The following METTL24 variants were observed in gnomAD, a reference collection of about 807,000 sequenced individuals.
METTL24 encodes methyltransferase like 24.
A neutral mutation model predicts 32.7 loss-of-function variants in METTL24; 29 were observed. The observed-to-expected ratio is 0.89, with a 90% CI of 0.66 to 1.21. METTL24 has a LOEUF of 1.21. Among genes scored for constraint, METTL24 ranks in the 50% most tolerant of loss-of-function variants. The probability of loss-of-function intolerance (pLI) is 0.00; values close to 1 mark genes in which losing one functional copy is unlikely to be tolerated. For missense variants in METTL24, 439 were observed against 468.1 expected, an observed-to-expected ratio of 0.94 and a Z score of 0.57; for synonymous variants, 163 against 179.5, an observed-to-expected ratio of 0.91 and a Z score of 0.73.
At chr6:110,301,880 C>G (rs961335775) in intron 3 of METTL24, among the ~76,000 whole-genome samples, 1 of 152,038 alleles carries the variant, frequency 6.6e-6, no homozygotes, top group African/African-American at 2.4e-5. Context: ...ACTCACCTAT[C>G]CAAAAGGAAT....
At chr6:110,344,235 C>T (rs555578374) in intron 1 of METTL24, among the ~76,000 whole-genome samples, 4 of 152,228 alleles carry the variant, frequency 2.6e-5, no homozygotes, top group African/African-American at 9.6e-5. Context: ...GTCAGAAAGT[C>T]CCAAAACATT....
intron 4 of METTL24, among the ~76,000 whole-genome samples, chr6:110,254,580 C>T (rs112192845): frequency 5.3e-5 from 8 of 152,072 alleles, no homozygotes; most frequent in African/African-American, 9.6e-5. Context: ...TGCAGTGAGC[C>T]GAGATCATGC....
chr6:110,302,743 T>C (rs1468046931), intron 3 of METTL24, among the ~76,000 whole-genome samples: 1 of 152,034 alleles, frequency 6.6e-6, no homozygotes, highest in Non-Finnish European at 1.5e-5. Context: ...TACAATTCTG[T>C]AACTGTTTAA....
At position 110,244,731 on chromosome 6, in the gene METTL24, C is replaced by A. The variant is rs545887161; in HGVS notation, c.*1215G>T. On this transcript the variant is annotated 3_prime_UTR_variant, in exon 5 of 5. Coordinates refer to ENST00000338882, the MANE Select transcript of METTL24 (RefSeq NM_001123364.3). The stretch of plus-strand genomic sequence containing the variant: ...ATGAGAATAGCATGGAGGAAACCAA[C>A]CCCATGATTCAATTACCTCTCACCA... 1.3e-5 allele frequency among the ~76,000 whole-genome samples: 2 copies of A among 152,270 alleles called. No homozygotes were observed. The highest frequency in any genetic ancestry group is 4.2e-4 in the South Asian group (2 of 4,812).
intron 4 of METTL24, among the ~76,000 whole-genome samples, chr6:110,259,601 C>T (rs144484760): frequency 6.6e-6 from 1 of 152,256 alleles, no homozygotes; most frequent in Admixed American, 6.5e-5. Context: ...CTCTGTCTGA[C>T]AGCTTTGAAG....
intron 4 of METTL24, among the ~76,000 whole-genome samples, chr6:110,249,453 TCTC>T (rs1216952354): frequency 1.6e-5 from 2 of 125,496 alleles, no homozygotes; most frequent in East Asian, 4.6e-4. Context: ...CAGAAGCTCT[TCTC>T]TGCCTTCTGA....
chr6:110,276,810 G>A (rs1244649699), intron 4 of METTL24, among the ~76,000 whole-genome samples: 2 of 151,940 alleles, frequency 1.3e-5, no homozygotes, highest in Non-Finnish European at 2.9e-5. Context: ...CAGCCTAGTG[G>A]GGGAAAAACA....
At chr6:110,294,117 A>G (rs1429079403) in intron 4 of METTL24, among the ~76,000 whole-genome samples, 1 of 152,044 alleles carries the variant, frequency 6.6e-6, no homozygotes, top group Non-Finnish European at 1.5e-5. Context: ...ATTGCTTTCT[A>G]TTGCATTTTT....
intron 3 of METTL24, among the ~76,000 whole-genome samples, chr6:110,302,460 CAT>C (rs199696229): frequency 6.5e-5 from 6 of 92,900 alleles, no homozygotes; most frequent in Non-Finnish European, 1.1e-4. Flanking sequence ...CATATACACA[CAT>C]ATGTGTATAT....
At chr6:110,253,236 G>A (rs1039656849) in intron 4 of METTL24, among the ~76,000 whole-genome samples, 8 of 152,170 alleles carry the variant, frequency 5.3e-5, no homozygotes, top group African/African-American at 1.7e-4. Context: ...GGAATAGAGA[G>A]AGAGAGATGT....
At chr6:110,271,091 C>T (rs180728145) in intron 4 of METTL24, among the ~76,000 whole-genome samples, 11 of 151,960 alleles carry the variant, frequency 7.2e-5, no homozygotes, top group Non-Finnish European at 5.9e-5. Flanking sequence ...AACTCCTGAC[C>T]TCAGATGATC....
At chr6:110,280,942 C>T (rs1771125952) in intron 4 of METTL24, among the ~76,000 whole-genome samples, 1 of 152,082 alleles carries the variant, frequency 6.6e-6, no homozygotes, top group Non-Finnish European at 1.5e-5. Flanking sequence ...AATGAGCCAC[C>T]ATGCCTGGCC....
chr6:110,280,329 T>G (rs978736553), intron 4 of METTL24, among the ~76,000 whole-genome samples: 7 of 152,180 alleles, frequency 4.6e-5, no homozygotes, highest in Non-Finnish European at 1.0e-4. Context: ...CTTAACGAAT[T>G]ATCTTGGATA....
chr6:110,258,137 G>A (rs1778420039), intron 4 of METTL24, among the ~76,000 whole-genome samples: 1 of 152,168 alleles, frequency 6.6e-6, no homozygotes, highest in South Asian at 2.1e-4. Flanking sequence ...ATCAGTGTTA[G>A]CTGTTGTTAT....
intron 4 of METTL24, among the ~76,000 whole-genome samples, chr6:110,271,246 C>T (rs544014326): frequency 2.0e-5 from 3 of 152,160 alleles, no homozygotes; most frequent in South Asian, 2.1e-4. Context: ...TAAGTTCATG[C>T]AGAAGACAGC....
chr6:110,339,673 A>T (rs1459889158), intron 1 of METTL24, among the ~76,000 whole-genome samples: 1 of 152,236 alleles, frequency 6.6e-6, no homozygotes, highest in Non-Finnish European at 1.5e-5. Flanking sequence ...AAACAAATGT[A>T]CACGTATATG....
intron 4 of METTL24, among the ~76,000 whole-genome samples, chr6:110,286,840 C>T (rs1316661011): frequency 1.3e-5 from 2 of 152,148 alleles, no homozygotes; most frequent in South Asian, 2.1e-4. Context: ...GGAAGAAAAA[C>T]GTGAAAAGGA....
At chr6:110,327,699 C>T (rs1439957720) in intron 1 of METTL24, among the ~76,000 whole-genome samples, 2 of 152,214 alleles carry the variant, frequency 1.3e-5, no homozygotes, top group African/African-American at 4.8e-5. Context: ...CTAGTGTATA[C>T]ATCAACATTT....
chr6:110,306,420 G>GT lies in METTL24; in HGVS notation c.558-7271dup, dbSNP rs1203321178. Among the ~76,000 whole-genome samples, 10 of 151,626 alleles carry GT rather than the reference G, an allele frequency of 6.6e-5. 1 individual carries two copies. Among genetic ancestry groups the GT allele is most frequent in the Non-Finnish European group, 4.4e-5 (3 of 67,902 alleles). On this transcript the variant is annotated intron_variant, in intron 3 of 4. Transcript: ENST00000338882. The stretch of plus-strand genomic sequence containing the variant: ...TTTCCAGAGATGATCATGTTTAGCA[G>GT]TTTTTTATATATCTTTCCAGAAATT...
Sources: allele counts gnomAD v4.1 joint callset (sites outside exome capture counted in the v4.1 genomes callset), GRCh38; gene constraint gnomAD v4.1.1; transcripts MANE v1.5; gene names NCBI Gene and HGNC (gene_info 2026-07-23, HGNC 2026-07-21).